CCDC171: variants seen among roughly 807,000 people sequenced by gnomAD.
CCDC171 encodes coiled-coil domain containing 171.
A neutral mutation model predicts 168.2 loss-of-function variants in CCDC171; 177 were observed. The ratio of observed to expected loss-of-function variants is 1.05; its 90% confidence interval spans 0.93 to 1.19. The LOEUF (loss-of-function observed/expected upper bound fraction) is 1.19, where lower values mean the gene tolerates loss of function less well. Ranked by LOEUF, CCDC171 falls within the 50% of genes most tolerant of loss-of-function variation. The pLI is 0.00. For synonymous variants in CCDC171, 687 were observed against 540.8 expected, an observed-to-expected ratio of 1.27 and a Z score of -3.75; for missense variants, 1,991 against 1,539.0, an observed-to-expected ratio of 1.29 and a Z score of -4.91.
intron 2 of CCDC171, among the ~76,000 whole-genome samples, chr9:15,567,313 C>G: frequency 6.6e-6 from 1 of 152,160 alleles, no homozygotes; most frequent in Admixed American, 6.5e-5. Context: ...CATGTCTGTT[C>G]TTAATCCAAT....
chr9:15,634,242 C>G (rs1320414381), intron 7 of CCDC171, among the ~76,000 whole-genome samples: 1 of 151,762 alleles, frequency 6.6e-6, no homozygotes, highest in Non-Finnish European at 1.5e-5. Flanking sequence ...TTTTTTTTAA[C>G]TTTTAAAAAA....
intron 25 of CCDC171, among the ~76,000 whole-genome samples, chr9:15,942,654 C>A (rs575509579): frequency 6.6e-6 from 1 of 151,774 alleles, no homozygotes; most frequent in Non-Finnish European, 1.5e-5. Context: ...AAGAAATATT[C>A]TTTTAAGTTC....
Position 15,974,022 on chromosome 9 carries a change from T to G in CCDC171, c.*2186T>G, listed in dbSNP as rs982500992. 6.6e-6 allele frequency: 1 copy of G among 152,124 alleles called. No individual in the cohort carries two copies. The highest frequency in any genetic ancestry group is 2.4e-5 in the African/African-American group (1 of 41,424). 9.4% of individuals were successfully genotyped at this position (152,124 alleles called of 1,614,324 possible). On this transcript the variant is annotated 3_prime_UTR_variant, in exon 26 of 26. Transcript: ENST00000380701. ...AATGGGATAACTCCAAAAATAAATG[T>G]GTATGTGTCTCCATATATATGGGTA... is the stretch of plus-strand genomic sequence containing the variant.
At chr9:15,583,789 T>C (rs1392603973) in intron 4 of CCDC171, among the ~76,000 whole-genome samples, 1 of 151,908 alleles carries the variant, frequency 6.6e-6, no homozygotes, top group African/African-American at 2.4e-5. Flanking sequence ...AAAAATAAAA[T>C]GTGAAAAAAA....
chr9:16,050,777 A>G (rs1362428019), intron 1 of CCDC171, among the ~76,000 whole-genome samples: 1 of 152,248 alleles, frequency 6.6e-6, no homozygotes, highest in Admixed American at 6.5e-5. Context: ...AAATTTCACA[A>G]GATCTGGGCT....
At chr9:15,781,750 T>G (rs953597502) in intron 20 of CCDC171, among the ~76,000 whole-genome samples, 16 of 152,206 alleles carry the variant, frequency 1.1e-4, no homozygotes, top group Non-Finnish European at 2.1e-4. Context: ...TAATTATAAG[T>G]TATGAAGTAC....
At chr9:15,645,786 GT>G (rs2132643344) in intron 7 of CCDC171, among the ~76,000 whole-genome samples, 1 of 152,324 alleles carries the variant, frequency 6.6e-6, no homozygotes, top group Non-Finnish European at 1.5e-5. Flanking sequence ...GTACCTGAAA[GT>G]GACAGGGAGA....
intron 8 of CCDC171, among the ~76,000 whole-genome samples, chr9:15,659,118 A>G (rs2048136601): frequency 6.6e-6 from 1 of 152,200 alleles, no homozygotes. Context: ...TAAGAGGTTC[A>G]TAGTGCCCTT....
rs567861763 is a variant in CCDC171 at position 15,625,557 on chromosome 9, C to T, written c.822+2144C>T. On this transcript the variant is annotated intron_variant, in intron 7 of 25. Coordinates refer to ENST00000380701, the MANE Select transcript of CCDC171 (RefSeq NM_173550.4). ...TATGGCTAGCCAGTTTTCCCAGCAC[C>T]ATTTATTAAAGAGGGAGTCCTTTCC... Among the ~76,000 whole-genome samples the T allele has an allele frequency of 1.2e-4, 19 of 152,260 alleles. No individual in the cohort carries two copies. The South Asian group carries it at 3.7e-3, about 30-fold the overall frequency.
chr9:15,654,425 G>T (rs2047763123), intron 7 of CCDC171, among the ~76,000 whole-genome samples: 1 of 152,146 alleles, frequency 6.6e-6, no homozygotes, highest in Non-Finnish European at 1.5e-5. Context: ...GAGAAGAAGG[G>T]ATGTTTGTGT....
intron 21 of CCDC171, among the ~76,000 whole-genome samples, chr9:15,833,626 T>A (rs538708093): frequency 3.3e-5 from 5 of 152,340 alleles, no homozygotes; most frequent in African/African-American, 9.6e-5. Context: ...TGTTTTATTA[T>A]TAACTACAGT....
intron 6 of CCDC171, among the ~76,000 whole-genome samples, chr9:15,614,202 T>C (rs1280413077): frequency 1.3e-5 from 2 of 152,220 alleles, no homozygotes; most frequent in Non-Finnish European, 2.9e-5. Context: ...CATGGTTTTC[T>C]GATGCCAGGA....
At chr9:15,993,220 C>G (rs901525972) in intron 3 of CCDC171, among the ~76,000 whole-genome samples, 5 of 151,996 alleles carry the variant, frequency 3.3e-5, no homozygotes, top group Admixed American at 1.3e-4. Context: ...GTAAGCAAAA[C>G]AGCATGGTAC....
intron 23 of CCDC171, among the ~76,000 whole-genome samples, chr9:15,859,632 G>A (rs746314951): frequency 3.1e-5 from 3 of 95,492 alleles, no homozygotes; most frequent in African/African-American, 8.9e-5. Flanking sequence ...CCCACCCCCC[G>A]AATCTTTTTG....
intron 3 of CCDC171, among the ~76,000 whole-genome samples, chr9:16,000,664 C>T (rs1832512739): frequency 6.6e-6 from 1 of 152,032 alleles, no homozygotes; most frequent in South Asian, 2.1e-4. Context: ...TCTTTTGACT[C>T]CCTATTTCCT....
At chr9:16,098,505 G>T in the CCDC171 span, among the ~76,000 whole-genome samples, 1 of 152,214 alleles carries the variant, frequency 6.6e-6, no homozygotes, top group Non-Finnish European at 1.5e-5. Flanking sequence ...CTTGAGTGTT[G>T]GAGTAAGCCA....
intron 6 of CCDC171, among the ~76,000 whole-genome samples, chr9:15,611,547 C>G (rs2043696996): frequency 6.6e-6 from 1 of 152,078 alleles, no homozygotes; most frequent in African/African-American, 2.4e-5. Flanking sequence ...GGAGTCAGTG[C>G]TCAGGGCGCT....
intron 3 of CCDC171, among the ~76,000 whole-genome samples, chr9:15,572,374 T>C (rs946212405): frequency 6.6e-6 from 1 of 152,152 alleles, no homozygotes; most frequent in Non-Finnish European, 1.5e-5. Context: ...GGCCACCTGG[T>C]ATAGTGGGAA....
intron 25 of CCDC171, among the ~76,000 whole-genome samples, chr9:15,934,103 A>T (rs977697942): frequency 6.6e-6 from 1 of 151,954 alleles, no homozygotes; most frequent in Non-Finnish European, 1.5e-5. Context: ...TTAAAAAATC[A>T]CAGAGGACTT....
Sources: allele counts gnomAD v4.1 joint callset (sites outside exome capture counted in the v4.1 genomes callset), GRCh38; gene constraint gnomAD v4.1.1; transcripts MANE v1.5; gene names NCBI Gene and HGNC (gene_info 2026-07-23, HGNC 2026-07-21).